Variants in CIC observed in about 807,000 individuals in gnomAD.
The protein encoded by CIC is protein capicua homolog.
In CIC, 18 loss-of-function variants were observed where a neutral mutation model predicts 115.7. That is an observed-to-expected ratio of 0.16 (90% CI 0.11 to 0.23). CIC has a LOEUF of 0.23. Ranked by LOEUF, CIC falls within the 10% of genes least tolerant of loss-of-function variation. The pLI is 1.00. For synonymous variants in CIC, 1,076 were observed against 923.0 expected, an observed-to-expected ratio of 1.17 and a Z score of -3.01; for missense variants, 2,000 against 2,159.3, an observed-to-expected ratio of 0.93 and a Z score of 1.46.
At chr19:42,275,424 G>A (rs1429682683) in intron 2 of CIC, among the ~76,000 whole-genome samples, 1 of 152,360 alleles carries the variant, frequency 6.6e-6, no homozygotes, top group East Asian at 1.9e-4. Context: ...TGCAACCGTG[G>A]GGTGGAAGAG....
chr19:42,280,099 C>A lies in CIC; in HGVS notation c.2794+5522C>A, dbSNP rs2037157866. Reference sequence around the variant, plus strand: ...CGGCGACGGCGTCTGGCTCCCATTACCACCGGCGGCAGCGGCTGCACCGCA... The same window carrying A: ...CGGCGACGGCGTCTGGCTCCCATTAACACCGGCGGCAGCGGCTGCACCGCA... On this transcript the variant is annotated intron_variant, in intron 2 of 20. Transcript: ENST00000681038. This position sits in a 1 kb window ranked among gnomAD's most constrained non-coding sequence, Gnocchi z 4.9. The A allele has an allele frequency of 2.0e-5, 3 of 151,922 alleles. No individual in the cohort carries two copies. The allele number at this position is 151,922 out of a possible 1,614,324, so 9.4% of individuals were successfully genotyped here. A position where few individuals can be genotyped will look rare whatever the true frequency, so the allele number is the denominator to read the frequency against.
chr19:42,293,668 C>T lies in CIC; in HGVS notation c.6599C>T (p.Thr2200Ile). 1 of 1,612,804 alleles carries T rather than the reference C, an allele frequency of 6.2e-7. No individual in the cohort carries two copies. The highest frequency in any genetic ancestry group is 1.3e-5 in the African/African-American group (1 of 75,062). Residue 2200 changes from threonine to isoleucine, a missense_variant, in exon 17 of 21, where the codon ACT (threonine) becomes ATT (isoleucine). Thr to Ile is a moderately conservative substitution (Grantham distance 89). Transcript: ENST00000681038. Reference protein sequence around the residue: ...QGLENRGEPPTPPSPAPAPAV... With the variant: ...QGLENRGEPPIPPSPAPAPAV... ...CTGGAGAATCGTGGGGAGCCTCCCA[C>T]TCCTCCCAGCCCGGCCCCAGCTCCA...
In CIC at chr19:42,293,154, T is replaced by C. The variant is rs2147322054; in HGVS notation, c.6395T>C (p.Leu2132Pro). ...VREPTAPESE[L>P]EGQPTPPAPP... ...GAGCCAACTGCCCCAGAGTCTGAGC[T>C]TGAGGGGCAGCCCACACCACCAGCC... Residue 2132 changes from leucine to proline, a missense_variant, in exon 16 of 21, where the codon CTT (leucine) becomes CCT (proline). By Grantham distance (98) the Leu-to-Pro change is moderately conservative. This residue lies in a region of CIC where 1,466 missense variants were observed against 1,390.4 expected (regional missense o/e 1.05). Transcript: ENST00000681038. 6.2e-7 allele frequency: 1 copy of C among 1,606,376 alleles called. No individual in the cohort carries two copies. Among genetic ancestry groups the C allele is most frequent in the Non-Finnish European group, 8.5e-7 (1 of 1,177,250 alleles).
rs945602130 is a variant in CIC at position 42,270,179 on chromosome 19, G to A, written c.-11+798G>A. ...CAACATGGTAGTCTAGTGGGTCAGC[G>A]GGTATTAGGTGGTGATGGCTGCCCA... On this transcript the variant is annotated intron_variant, in intron 1 of 20. Transcript: ENST00000681038. This position sits in a 1 kb window ranked among gnomAD's most constrained non-coding sequence, Gnocchi z 4.1. 3.3e-5 allele frequency among the ~76,000 whole-genome samples: 5 copies of A among 152,318 alleles called. No individual in the cohort carries two copies. In the South Asian group the frequency reaches 6.2e-4, roughly 19 times the overall value.
intron 2 of CIC, chr19:42,284,691 C>T (rs1217527773): frequency 1.9e-6 from 3 of 1,542,062 alleles, no homozygotes; most frequent in Admixed American, 1.9e-5. Context: ...GCCGGGTCCC[C>T]CCTGCGCCGG....
chr19:42,272,254 C>A lies in CIC; in HGVS notation c.471C>A (p.Pro157=), dbSNP rs536081766. 3.5e-4 allele frequency: 138 copies of A among 398,616 alleles called. No individual in the cohort carries two copies. The highest frequency in any genetic ancestry group is 2.7e-3 in the African/African-American group (131 of 48,744). 24.7% of individuals were successfully genotyped at this position (398,616 alleles called of 1,614,324 possible). ...GCCTGGGGGTGCCTCCACGGCCACC[C>A]ACCTCCACTCGTTCCTCCTCCACTG... ...ASGLGVPPRP[P]TSTRSSSTDT... The change falls in exon 2 of 21, where the codon CCC becomes CCA. Residue 157 remains proline, a synonymous_variant. Transcript: ENST00000681038.
In CIC at chr19:42,289,866, C is replaced by A; in HGVS notation, c.4106C>A (p.Thr1369Asn). ...CCCTCAGCTGACGATGGCTTCGGCA[C>A]CACTGACATTGATCTCAAGTGCAAG... ...DDVIADDGFG[T>N]TDIDLKCKER... The change falls in exon 10 of 21, where the codon ACC becomes AAC. Residue 1369 changes from threonine (T) to asparagine (N), a missense_variant. Physicochemically the swap from Thr to Asn is moderately conservative, Grantham distance 65. Coordinates refer to ENST00000681038, the MANE Select transcript of CIC (RefSeq NM_001386298.1). The A allele has an allele frequency of 5.6e-6, 9 of 1,606,776 alleles. No individual in the cohort carries two copies. Among genetic ancestry groups the A allele is most frequent in the Non-Finnish European group, 7.6e-6 (9 of 1,176,902 alleles).
chr19:42,287,989 T>C lies in CIC; in HGVS notation c.3658+14T>C. The C allele has an allele frequency of 6.3e-7, 1 of 1,578,576 alleles. No homozygotes were observed. The highest frequency in any genetic ancestry group is 1.8e-5 in the Admixed American group (1 of 54,092). ...CTGCCCCTGGGGGTTAGTCAGCCCCTTGGCTCTCCCACCCTGCCACCTCCC... is the reference window on the plus strand; with the variant it reads ...CTGCCCCTGGGGGTTAGTCAGCCCCCTGGCTCTCCCACCCTGCCACCTCCC... On this transcript the variant is annotated intron_variant, in intron 7 of 20. Transcript: ENST00000681038. This position sits in a 1 kb window ranked among gnomAD's most constrained non-coding sequence, Gnocchi z 8.7.
chr19:42,277,355 G>T (rs369832953), intron 2 of CIC, among the ~76,000 whole-genome samples: 7 of 152,146 alleles, frequency 4.6e-5, no homozygotes, highest in African/African-American at 7.2e-5. Flanking sequence ...TCAGCCTCCC[G>T]AATAGCTGGG....
In CIC at chr19:42,270,863, G is replaced by A. The variant is rs142146125; in HGVS notation, c.-10-911G>A. Reference sequence around the variant, plus strand: ...TGTGCGTGTGTGTGTGTTTGTGCGCGTGCGTGTGCTCATGCACGGCCCCGT... The same window carrying A: ...TGTGCGTGTGTGTGTGTTTGTGCGCATGCGTGTGCTCATGCACGGCCCCGT... On this transcript the variant is annotated intron_variant, in intron 1 of 20. Transcript: ENST00000681038. This position sits in a 1 kb window ranked among gnomAD's most constrained non-coding sequence, Gnocchi z 4.1. Among the ~76,000 whole-genome samples, 5 of 152,306 alleles carry A rather than the reference G, an allele frequency of 3.3e-5. No homozygotes were observed. Among genetic ancestry groups the A allele is most frequent in the Admixed American group, 6.5e-5 (1 of 15,308 alleles).
chr19:42,290,151 A>G, intron 10 of CIC, 82 bp from the exon 11 acceptor site: 1 of 1,594,866 alleles, frequency 6.3e-7, no homozygotes, highest in Non-Finnish European at 8.6e-7. Context: ...CCTGGCTGAC[A>G]GGCTGGATGG....
At chr19:42,283,151 TAGG>T (rs1161564295) in intron 2 of CIC, among the ~76,000 whole-genome samples, 1 of 151,966 alleles carries the variant, frequency 6.6e-6, no homozygotes, top group African/African-American at 2.4e-5. Context: ...GCACTGGGGA[TAGG>T]AGGCGCTTTG....
chr19:42,287,937 G>A lies in CIC; in HGVS notation c.3620G>A (p.Arg1207Gln), dbSNP rs1451774836. 1.2e-6 allele frequency: 2 copies of A among 1,603,540 alleles called. No individual in the cohort carries two copies. The highest frequency in any genetic ancestry group is 1.7e-6 in the Non-Finnish European group (2 of 1,175,666). ...LAGGHKETRE[R>Q]SMSETGTAAA... is the part of the protein sequence containing the mutation. ...GGAGGGCACAAGGAGACGCGGGAGC[G>A]GAGCATGTCGGAGACGGGCACTGCT... The change falls in exon 7 of 21, where the codon CGG (arginine) becomes CAG (glutamine). Residue 1207 changes from arginine to glutamine, a missense_variant. By Grantham distance (43) the Arg-to-Gln change is conservative. Transcript: ENST00000681038. The surrounding 1 kb of genome is among the most constrained non-coding windows in gnomAD (Gnocchi z 8.7).
intron 10 of CIC, 71 bp downstream of exon 10, chr19:42,290,022 G>A (rs2037958234): frequency 6.8e-7 from 1 of 1,462,134 alleles, no homozygotes; most frequent in South Asian, 1.2e-5. Context: ...GTTTCTCCCG[G>A]GCTTGAGAGA....
Position 42,293,349 on chromosome 19 carries a change from T to C in CIC, c.6522+68T>C, listed in dbSNP as rs999196443. 12 of 1,478,964 alleles carry C rather than the reference T, an allele frequency of 8.1e-6. No homozygotes were observed. The African/African-American group carries it at 9.8e-5, about 12-fold the overall frequency. 91.6% of individuals were successfully genotyped at this position (1,478,964 alleles called of 1,614,324 possible). On this transcript the variant is annotated intron_variant, in intron 16 of 20. Transcript: ENST00000681038. ...GTGCCTCTCCATTGACGTCTTTGCT[T>C]TTCTGTCCTACTCTTCTTTCCATGC...
chr19:42,288,085 C>T, intron 7 of CIC, 110 bp downstream of exon 7: 1 of 1,322,796 alleles, frequency 7.6e-7, no homozygotes, highest in Non-Finnish European at 1.0e-6. Flanking sequence ...TGCTCTATCG[C>T]TTTAATTTGG....
At position 42,291,181 on chromosome 19, in the gene CIC, C is replaced by T. The variant is rs372182898; in HGVS notation, c.5140C>T (p.Pro1714Ser). Residue 1714 changes from proline to serine, a missense_variant, in exon 11 of 21, where the codon CCA (proline) becomes TCA (serine). Around this residue, in one of 8 missense-constraint regions of CIC, gnomAD observed 1,466 missense variants for 1,390.4 expected, o/e 1.05. Coordinates refer to ENST00000681038, the MANE Select transcript of CIC (RefSeq NM_001386298.1). ...AGGTGCTGGGAGTGGCCCCAATGGG[C>T]CAGTACCCCTGGGCATCCTGCAACC... ...GAGAGSGPNG[P>S]VPLGILQPGA... The T allele has an allele frequency of 2.0e-4, 318 of 1,609,528 alleles. No individual in the cohort carries two copies. The highest frequency in any genetic ancestry group is 2.5e-4 in the Non-Finnish European group (296 of 1,177,906).
In CIC at chr19:42,270,931, C is replaced by T. The variant is rs991005970; in HGVS notation, c.-10-843C>T. ...GCTCTTGCCCCAGACATGCCCCTGC[C>T]TGCTCCCTGCCAGGATCTGGGGAGA... On this transcript the variant is annotated intron_variant, in intron 1 of 20. Transcript: ENST00000681038. This position sits in a 1 kb window ranked among gnomAD's most constrained non-coding sequence, Gnocchi z 4.1. Among the ~76,000 whole-genome samples the T allele has an allele frequency of 2.6e-5, 4 of 152,200 alleles. No homozygotes were observed. The highest frequency in any genetic ancestry group is 9.7e-5 in the African/African-American group (4 of 41,438).
chr19:42,295,115 G>A lies in CIC; in HGVS notation c.7478G>A (p.Gly2493Glu), dbSNP rs1228159994. 1.3e-6 allele frequency: 2 copies of A among 1,520,810 alleles called. No individual in the cohort carries two copies. The highest frequency in any genetic ancestry group is 1.8e-6 in the Non-Finnish European group (2 of 1,140,292). 94.2% of individuals were successfully genotyped at this position (1,520,810 alleles called of 1,614,324 possible). Residue 2493 changes from glycine (G) to glutamate (E), a missense_variant, in exon 21 of 21, where the codon GGA becomes GAA. This residue lies in a region of CIC where 133 missense variants were observed against 116.0 expected (regional missense o/e 1.15). Transcript: ENST00000681038. Reference protein sequence around the residue: ...PLPPPPESGPGQPGWEGAPQP... With the variant: ...PLPPPPESGPEQPGWEGAPQP... ...CCTCCACCCCCAGAGTCGGGGCCTGGACAGCCTGGCTGGGAGGGGGCTCCC... is the reference window on the plus strand; with the variant it reads ...CCTCCACCCCCAGAGTCGGGGCCTGAACAGCCTGGCTGGGAGGGGGCTCCC...
Sources: allele counts gnomAD v4.1 joint callset (sites outside exome capture counted in the v4.1 genomes callset), GRCh38; gene constraint gnomAD v4.1.1; regional missense constraint gnomAD v4.1.1; non-coding constraint Gnocchi (gnomAD v3.1); transcripts MANE v1.5; gene names NCBI Gene and HGNC (gene_info 2026-07-23, HGNC 2026-07-21).